The following LRRFIP2 variants were observed in gnomAD, a reference collection of about 807,000 sequenced individuals.
The protein encoded by LRRFIP2 is leucine-rich repeat flightless-interacting protein 2.
LRRFIP2 carries 109 observed loss-of-function variants against 125.9 expected under a neutral mutation model. That is an observed-to-expected ratio of 0.87 (90% CI 0.74 to 1.01). The LOEUF is 1.01. Ranked by LOEUF, LRRFIP2 falls within the 50% of genes least tolerant of loss-of-function variation. LRRFIP2 has a pLI of 0.00. For missense variants in LRRFIP2, 850 were observed against 862.3 expected, an observed-to-expected ratio of 0.99 and a Z score of 0.18; for synonymous variants, 291 against 293.1, an observed-to-expected ratio of 0.99 and a Z score of 0.07.
chr3:37,123,200 G>GTTT (rs891531267), intron 4 of LRRFIP2, among the ~76,000 whole-genome samples: 56 of 151,920 alleles, frequency 3.7e-4, no homozygotes, highest in African/African-American at 1.3e-3. Context: ...TGTTGTTGTT[G>GTTT]TTTTTTGAGA....
intron 15 of LRRFIP2, among the ~76,000 whole-genome samples, chr3:37,100,018 A>G (rs1314408250): frequency 2.0e-5 from 3 of 152,130 alleles, no homozygotes; most frequent in Non-Finnish European, 4.4e-5. Context: ...GTCTATCAAC[A>G]TCAAGTCCCC....
intron 15 of LRRFIP2, 58 bp downstream of exon 15, chr3:37,102,866 T>G: frequency 9.3e-7 from 1 of 1,076,848 alleles, no homozygotes. Context: ...GCTAACATAT[T>G]AGCTGTTAGT....
At position 37,148,906 on chromosome 3, in the gene LRRFIP2, G is replaced by A. The variant is rs777995163; in HGVS notation, c.78C>T (p.Asn26=). The A allele has an allele frequency of 3.3e-5, 54 of 1,613,926 alleles. 1 individual carries two copies. In the East Asian group the frequency reaches 7.4e-4, roughly 22 times the overall value. Reference sequence around the variant, plus strand: ...TTACCAAACATACCTCTCTGGCAATGTTACTCAAAGCTTCATCTTCTGCAG... The same window carrying A: ...TTACCAAACATACCTCTCTGGCAATATTACTCAAAGCTTCATCTTCTGCAG... ...RFSAEDEALS[N]IAREAEARLA... Residue 26 remains asparagine, a synonymous_variant, in exon 2 of 28, where the codon AAC becomes AAT. Transcript: ENST00000336686.
intron 6 of LRRFIP2, among the ~76,000 whole-genome samples, chr3:37,118,740 T>C (rs1051659746): frequency 6.6e-6 from 1 of 152,198 alleles, no homozygotes; most frequent in Non-Finnish European, 1.5e-5. Context: ...ACCATAAATA[T>C]ATCCACCTCA....
intron 1 of LRRFIP2, among the ~76,000 whole-genome samples, chr3:37,171,253 C>A (rs943796961): frequency 6.6e-5 from 10 of 152,162 alleles, no homozygotes; most frequent in African/African-American, 1.9e-4. Flanking sequence ...ATAACTCCCC[C>A]TTCTGTGCTT....
chr3:37,154,430 C>T (rs4678942), intron 1 of LRRFIP2, among the ~76,000 whole-genome samples: 3 of 152,094 alleles, frequency 2.0e-5, no homozygotes, highest in African/African-American at 7.2e-5. Flanking sequence ...CCTCAAGAAC[C>T]CTTTTCTTCA....
intron 2 of LRRFIP2, among the ~76,000 whole-genome samples, chr3:37,142,180 T>A (rs2095722913): frequency 6.8e-6 from 1 of 147,406 alleles, no homozygotes; most frequent in South Asian, 2.2e-4. Flanking sequence ...AGACAGGGTC[T>A]CACTCTGTTG....
chr3:37,120,909 C>G (rs938584318), intron 6 of LRRFIP2, among the ~76,000 whole-genome samples: 6 of 152,092 alleles, frequency 3.9e-5, no homozygotes, highest in Non-Finnish European at 8.8e-5. Flanking sequence ...AAATTAGGGT[C>G]TTGGCATAAT....
chr3:37,062,044 A>C (rs1472908535), intron 24 of LRRFIP2, among the ~76,000 whole-genome samples: 2 of 152,048 alleles, frequency 1.3e-5, no homozygotes, highest in Non-Finnish European at 2.9e-5. Context: ...ATCCAGTTTA[A>C]TTTCAAGGTC....
chr3:37,118,951 G>A (rs1304874496), intron 6 of LRRFIP2, among the ~76,000 whole-genome samples: 1 of 152,120 alleles, frequency 6.6e-6, no homozygotes, highest in Non-Finnish European at 1.5e-5. Flanking sequence ...TCAGCTTAAT[G>A]GAAAAATTAT....
intron 1 of LRRFIP2, among the ~76,000 whole-genome samples, chr3:37,152,310 G>C (rs1382852390): frequency 7.9e-5 from 12 of 152,076 alleles, no homozygotes; most frequent in Non-Finnish European, 1.2e-4. Flanking sequence ...AGGACGGCTG[G>C]GTAAGGAGTA....
At chr3:37,064,613 C>T (rs936433786) in intron 23 of LRRFIP2, 1 of 144,612 alleles carries the variant, frequency 6.9e-6, no homozygotes, top group Non-Finnish European at 1.5e-5. Flanking sequence ...AAGATGTGGG[C>T]ATCCATGGGT....
At position 37,121,711 on chromosome 3, in the gene LRRFIP2, A is replaced by G. The variant is rs1238775323; in HGVS notation, c.229-20T>C. On this transcript the variant is annotated intron_variant, in intron 4 of 27. Transcript: ENST00000336686. The stretch of plus-strand genomic sequence containing the variant: ...ATCTTCCTGGGAAAGGAGAAAGTAC[A>G]TGGAGAGTTAATCACTGAATAGACA... The G allele has an allele frequency of 6.2e-6, 10 of 1,612,072 alleles. No homozygotes were observed. The highest frequency in any genetic ancestry group is 7.6e-6 in the Non-Finnish European group (9 of 1,178,254).
At chr3:37,069,657 T>A (rs1480446931) in intron 21 of LRRFIP2, among the ~76,000 whole-genome samples, 1 of 152,176 alleles carries the variant, frequency 6.6e-6, no homozygotes, top group Admixed American at 6.5e-5. Context: ...ACAACATGAA[T>A]GTACTCAATG....
At chr3:37,109,789 T>C (rs753684111) in intron 9 of LRRFIP2, 86 bp from the exon 10 acceptor site, 4 of 1,122,990 alleles carry the variant, frequency 3.6e-6, no homozygotes, top group Non-Finnish European at 5.3e-6. Context: ...GACTTAAGTT[T>C]ATGATTTTAT....
chr3:37,089,682 A>G (rs150906577), intron 18 of LRRFIP2, among the ~76,000 whole-genome samples: 1 of 152,334 alleles, frequency 6.6e-6, no homozygotes, highest in East Asian at 1.9e-4. Context: ...TAAATGGTAG[A>G]TCTAACATGA....
chr3:37,098,294 ATACTT>A (rs994377749), intron 15 of LRRFIP2, among the ~76,000 whole-genome samples: 2 of 151,646 alleles, frequency 1.3e-5, no homozygotes, highest in African/African-American at 4.8e-5. Context: ...TTTTTTTACT[ATACTT>A]TAAGTTCTAG....
At chr3:37,122,296 C>T (rs557782575) in intron 4 of LRRFIP2, among the ~76,000 whole-genome samples, 30 of 151,986 alleles carry the variant, frequency 2.0e-4, no homozygotes, top group Admixed American at 5.2e-4. Flanking sequence ...ATGTGTGGGG[C>T]GGTCACATTC....
chr3:37,160,883 C>T (rs1043677678), intron 1 of LRRFIP2, among the ~76,000 whole-genome samples: 1 of 151,966 alleles, frequency 6.6e-6, no homozygotes, highest in African/African-American at 2.4e-5. Flanking sequence ...CCACTCTATA[C>T]TCAAGAGAAT....
Sources: allele counts gnomAD v4.1 joint callset (sites outside exome capture counted in the v4.1 genomes callset), GRCh38; gene constraint gnomAD v4.1.1; transcripts MANE v1.5; gene names NCBI Gene and HGNC (gene_info 2026-07-23, HGNC 2026-07-21).